FANK1: variants seen among roughly 807,000 people sequenced by gnomAD.
FANK1 encodes fibronectin type III and ankyrin repeat domains 1, also known as fibronectin type 3 and ankyrin repeat domains protein 1.
FANK1 carries 44 observed loss-of-function variants against 45.3 expected under a neutral mutation model. That is an observed-to-expected ratio of 0.97 (90% CI 0.76 to 1.25). FANK1 has a LOEUF of 1.25. Ranked by LOEUF, FANK1 falls within the 50% of genes most tolerant of loss-of-function variation. The probability of loss-of-function intolerance (pLI) is 0.00; values close to 1 mark genes in which losing one functional copy is unlikely to be tolerated. For synonymous variants in FANK1, 149 were observed against 152.5 expected, an observed-to-expected ratio of 0.98 and a Z score of 0.17; for missense variants, 391 against 424.4, an observed-to-expected ratio of 0.92 and a Z score of 0.69.
chr10:125,900,124 G>C (rs1489449235), intron 1 of FANK1, among the ~76,000 whole-genome samples: 5 of 152,022 alleles, frequency 3.3e-5, no homozygotes, highest in African/African-American at 1.2e-4. Context: ...GGCTACCACT[G>C]TTTTACAGAA....
At chr10:125,966,903 G>A (rs1001174174) in intron 1 of FANK1, among the ~76,000 whole-genome samples, 1 of 152,060 alleles carries the variant, frequency 6.6e-6, no homozygotes, top group Non-Finnish European at 1.5e-5. Flanking sequence ...CAGCCATAAT[G>A]CTACTATTTT....
chr10:126,000,747 C>T (rs12573681), intron 6 of FANK1, among the ~76,000 whole-genome samples: 31,648 of 152,052 alleles, frequency 0.21, 4,096 homozygotes, highest in East Asian at 0.31. Flanking sequence ...ATGTTAAGGA[C>T]ATTCCAGGGA....
intron 1 of FANK1, among the ~76,000 whole-genome samples, chr10:125,912,355 C>G (rs1350855399): frequency 6.6e-6 from 1 of 151,946 alleles, no homozygotes; most frequent in Non-Finnish European, 1.5e-5. Flanking sequence ...ATATATCTAC[C>G]CCCCTCCTCC....
intron 1 of FANK1, among the ~76,000 whole-genome samples, chr10:125,954,579 AT>A (rs61639649): frequency 0.32 from 48,383 of 151,110 alleles, 8,039 homozygotes; most frequent in East Asian, 0.47. Context: ...TAGTTCATGG[AT>A]TTTTTTTTTC....
chr10:125,971,184 A>G (rs1950493436), intron 1 of FANK1, among the ~76,000 whole-genome samples: 2 of 152,100 alleles, frequency 1.3e-5, no homozygotes, highest in Admixed American at 6.5e-5. Flanking sequence ...CCCACATTCT[A>G]TAGCCTTTCC....
intron 1 of FANK1, among the ~76,000 whole-genome samples, chr10:125,912,724 A>G (rs1589818218): frequency 6.6e-6 from 1 of 151,994 alleles, no homozygotes; most frequent in African/African-American, 2.4e-5. Flanking sequence ...TGCAACCTCC[A>G]CCTCCTGAGT....
chr10:125,995,332 C>A (rs112238358), intron 3 of FANK1, 85 bp from the exon 4 acceptor site: 1 of 1,224,632 alleles, frequency 8.2e-7, no homozygotes, highest in Non-Finnish European at 1.2e-6. Flanking sequence ...GAAGATGATC[C>A]CCTGAAGGCC....
intron 1 of FANK1, among the ~76,000 whole-genome samples, chr10:125,925,483 C>T (rs980340892): frequency 3.9e-5 from 6 of 152,146 alleles, no homozygotes; most frequent in African/African-American, 1.2e-4. Context: ...ACAGGTGGCT[C>T]CCTGCTGCCT....
intron 1 of FANK1, among the ~76,000 whole-genome samples, chr10:125,913,887 T>C (rs955484691): frequency 1.3e-5 from 2 of 152,178 alleles, no homozygotes; most frequent in African/African-American, 4.8e-5. Flanking sequence ...ACACTTGATA[T>C]TGACTATGAA....
intron 1 of FANK1, among the ~76,000 whole-genome samples, chr10:125,924,940 G>C (rs1440560769): frequency 6.6e-6 from 1 of 151,976 alleles, no homozygotes; most frequent in Non-Finnish European, 1.5e-5. Context: ...CTATTTAAAA[G>C]TATACTTTTA....
chr10:125,954,975 C>CT (rs1157626838), intron 1 of FANK1, among the ~76,000 whole-genome samples: 1 of 151,984 alleles, frequency 6.6e-6, no homozygotes, highest in Non-Finnish European at 1.5e-5. Flanking sequence ...ATTTACGTAA[C>CT]TAAAAGACAG....
chr10:125,912,421 T>G (rs1946089277), intron 1 of FANK1, among the ~76,000 whole-genome samples: 1 of 151,418 alleles, frequency 6.6e-6, no homozygotes, highest in African/African-American at 2.4e-5. Context: ...TATTTTTGTT[T>G]CCTTTTTATT....
At chr10:126,009,350 G>T (rs762905976) in intron 10 of FANK1, 23 bp from the exon 11 acceptor site, 3 of 1,613,856 alleles carry the variant, frequency 1.9e-6, no homozygotes, top group Admixed American at 3.3e-5. Context: ...GATTACATTC[G>T]CCTGTCTGTT....
chr10:125,979,752 C>T, intron 1 of FANK1: 1 of 451,354 alleles, frequency 2.2e-6, no homozygotes, highest in Admixed American at 2.4e-5. Context: ...GCATAGGTGT[C>T]AACCCTTTGT....
chr10:125,957,522 T>G (rs1014389186), intron 1 of FANK1, among the ~76,000 whole-genome samples: 1 of 152,008 alleles, frequency 6.6e-6, no homozygotes, highest in African/African-American at 2.4e-5. Flanking sequence ...GCTTTTATTT[T>G]GCCTTTATTT....
At chr10:126,004,786 A>C in intron 6 of FANK1, 98 bp from the exon 7 acceptor site, 1 of 1,244,128 alleles carries the variant, frequency 8.0e-7, no homozygotes, top group Non-Finnish European at 1.2e-6. Context: ...TTTCCACTCA[A>C]GTTAGGATTT....
chr10:125,956,825 TATA>T (rs1422149866), intron 1 of FANK1, among the ~76,000 whole-genome samples: 1 of 152,144 alleles, frequency 6.6e-6, no homozygotes, highest in Non-Finnish European at 1.5e-5. Context: ...TATAGATTTG[TATA>T]ATAAGGGCGA....
intron 1 of FANK1, among the ~76,000 whole-genome samples, chr10:125,937,949 G>A (rs1466622890): frequency 2.0e-5 from 3 of 151,954 alleles, no homozygotes; most frequent in African/African-American, 7.3e-5. Context: ...TTACAAAGAC[G>A]GAAAAAACTG....
intron 6 of FANK1, among the ~76,000 whole-genome samples, chr10:126,000,658 G>C (rs753434026): frequency 3.0e-4 from 46 of 152,256 alleles, no homozygotes; most frequent in Admixed American, 1.0e-3. Flanking sequence ...ATCTTGTAAT[G>C]TGAAAGGAAC....
Sources: allele counts gnomAD v4.1 joint callset (sites outside exome capture counted in the v4.1 genomes callset), GRCh38; gene constraint gnomAD v4.1.1; transcripts MANE v1.5; gene names NCBI Gene and HGNC (gene_info 2026-07-23, HGNC 2026-07-21).